EEIG1: variants seen among roughly 807,000 people sequenced by gnomAD.
EEIG1 encodes early estrogen-induced gene 1 protein.
At chr9:127,944,395 G>GA in the EEIG1 span, 1 of 598,408 alleles carries the variant, frequency 1.7e-6, no homozygotes, top group Non-Finnish European at 3.0e-6. Flanking sequence ...GGAAACCACC[G>GA]AACCTGTCCG....
the EEIG1 span, among the ~76,000 whole-genome samples, chr9:127,980,791 C>A: frequency 6.7e-6 from 1 of 149,636 alleles, no homozygotes; most frequent in Non-Finnish European, 1.5e-5. Flanking sequence ...GGGCAGGCAC[C>A]GGGCCGGCCC....
chr9:127,954,855 G>A, the EEIG1 span, among the ~76,000 whole-genome samples: 1 of 152,234 alleles, frequency 6.6e-6, no homozygotes, highest in African/African-American at 2.4e-5. Flanking sequence ...GCATGACCAT[G>A]CTGAAAAATT....
chr9:127,944,086 A>G, the EEIG1 span: 1 of 162,606 alleles, frequency 6.1e-6, no homozygotes. Flanking sequence ...AATGTCTGTG[A>G]CGCAGCACTC....
the EEIG1 span, among the ~76,000 whole-genome samples, chr9:127,967,322 C>T: frequency 6.6e-6 from 1 of 152,168 alleles, no homozygotes; most frequent in Non-Finnish European, 1.5e-5. Flanking sequence ...TCTCCCTGAC[C>T]CCAAGAATCC....
At chr9:127,971,872 G>A in the EEIG1 span, among the ~76,000 whole-genome samples, 1 of 152,228 alleles carries the variant, frequency 6.6e-6, no homozygotes, top group African/African-American at 2.4e-5. Context: ...CAGAGAAGTG[G>A]GGGAAGGGAA....
chr9:127,962,184 T>C, the EEIG1 span, among the ~76,000 whole-genome samples: 1 of 152,148 alleles, frequency 6.6e-6, no homozygotes, highest in Non-Finnish European at 1.5e-5. Context: ...CCCATTTTTA[T>C]TTAATTTTTT....
chr9:127,947,988 T>C, the EEIG1 span: 2 of 1,465,256 alleles, frequency 1.4e-6, no homozygotes, highest in South Asian at 2.6e-5. Flanking sequence ...TCAGTCAGCG[T>C]CTCCCTGGGG....
the EEIG1 span, among the ~76,000 whole-genome samples, chr9:127,978,158 T>G: frequency 6.6e-6 from 1 of 152,116 alleles, no homozygotes; most frequent in Non-Finnish European, 1.5e-5. Flanking sequence ...AGGGAGCCAG[T>G]GCTCAGAAAA....
the EEIG1 span, among the ~76,000 whole-genome samples, chr9:127,964,226 CTG>C: frequency 1.3e-5 from 2 of 152,240 alleles, no homozygotes; most frequent in Non-Finnish European, 2.9e-5. Flanking sequence ...TGGGGTGACT[CTG>C]TGGTCCCACA....
the EEIG1 span, among the ~76,000 whole-genome samples, chr9:127,955,464 C>T: frequency 7.2e-5 from 11 of 152,376 alleles, no homozygotes; most frequent in Non-Finnish European, 8.8e-5. Context: ...GAAAGCCTGG[C>T]GAGGAGAACC....
At chr9:127,952,705 A>T in the EEIG1 span, among the ~76,000 whole-genome samples, 1 of 152,068 alleles carries the variant, frequency 6.6e-6, no homozygotes, top group Admixed American at 6.5e-5. Flanking sequence ...CCAAGCTGCA[A>T]ATCTGTTTAT....
chr9:127,972,450 G>C, the EEIG1 span: 1 of 152,338 alleles, frequency 6.6e-6, no homozygotes, highest in African/African-American at 2.4e-5. The surrounding 1 kb of genome is among the most constrained non-coding windows in gnomAD (Gnocchi z 4.3). Context: ...AGCACATGCA[G>C]CGTGTGCACT....
chr9:127,945,284 T>C, the EEIG1 span: 1 of 1,145,372 alleles, frequency 8.7e-7, no homozygotes, highest in Non-Finnish European at 1.2e-6. The surrounding 1 kb of genome is among the most constrained non-coding windows in gnomAD (Gnocchi z 6.5). Flanking sequence ...TTACGGTCCC[T>C]GTGTTATAGG....
chr9:127,946,981 C>A, the EEIG1 span, among the ~76,000 whole-genome samples: 10,850 of 152,146 alleles, frequency 0.071, 462 homozygotes, highest in Middle Eastern at 0.099. Context: ...GGGGGCCCAG[C>A]AAACACTTGG....
At chr9:127,955,624 A>G in the EEIG1 span, among the ~76,000 whole-genome samples, 1 of 152,212 alleles carries the variant, frequency 6.6e-6, no homozygotes, top group Non-Finnish European at 1.5e-5. Flanking sequence ...GGAACAGATG[A>G]ATCAGGGAAG....
At chr9:127,953,985 G>A in the EEIG1 span, 46 of 1,602,208 alleles carry the variant, frequency 2.9e-5, no homozygotes, top group Non-Finnish European at 3.7e-5. Context: ...GGGACTCCAT[G>A]TGGTACCAGG....
chr9:127,969,223 TCTGA>T, the EEIG1 span, among the ~76,000 whole-genome samples: 1 of 152,224 alleles, frequency 6.6e-6, no homozygotes, highest in Non-Finnish European at 1.5e-5. Context: ...TCAGCACTCC[TCTGA>T]GAGACGAATG....
the EEIG1 span, among the ~76,000 whole-genome samples, chr9:127,975,571 C>T: frequency 5.3e-5 from 8 of 152,306 alleles, no homozygotes; most frequent in South Asian, 2.1e-4. Flanking sequence ...CACTCAGCTA[C>T]GCCATCAGCT....
the EEIG1 span, among the ~76,000 whole-genome samples, chr9:127,952,797 C>G: frequency 6.6e-6 from 1 of 152,118 alleles, no homozygotes; most frequent in African/African-American, 2.4e-5. Context: ...TCTGTAACCT[C>G]CACCCTCCCG....
Sources: gnomAD v4.1 joint callset for allele counts (sites outside exome capture counted in the v4.1 genomes callset) on GRCh38, gnomAD v4.1.1 for gene constraint, Gnocchi (gnomAD v3.1) non-coding constraint, MANE v1.5 for transcripts, NCBI Gene and HGNC (gene_info 2026-07-23, HGNC 2026-07-21) for gene names.